The following TULP1 variants were observed in gnomAD, a reference collection of about 807,000 sequenced individuals.
TULP1 encodes TUB like protein 1.
In TULP1, 50 loss-of-function variants were observed where a neutral mutation model predicts 67.1. The ratio of observed to expected loss-of-function variants is 0.75; its 90% confidence interval spans 0.59 to 0.94. TULP1 has a LOEUF of 0.94. Among genes scored for constraint, TULP1 ranks in the 40% least tolerant of loss-of-function variants. The probability of loss-of-function intolerance (pLI) is 0.00; values close to 1 mark genes in which losing one functional copy is unlikely to be tolerated. For synonymous variants in TULP1, 297 were observed against 294.0 expected (o/e 1.01, Z -0.11); for missense variants, 746 against 734.1 (o/e 1.02, Z -0.19).
chr6:35,509,705 G>A lies in TULP1; in HGVS notation c.647C>T (p.Ala216Val), dbSNP rs754221623. ...DKDPSGSPASARKSPAAMFLV... is the reference protein window; with the variant it reads ...DKDPSGSPASVRKSPAAMFLV... ...AAACATGGCTGCTGGGCTCTTCCTC[G>A]CACTGGCTGGGCTCCCTGAGGGGTC... The change falls in exon 7 of 15, where the codon GCG (alanine) becomes GTG (valine). Residue 216 changes from alanine (A) to valine (V), a missense_variant. Coordinates refer to ENST00000229771, the MANE Select transcript of TULP1 (RefSeq NM_003322.6). 182 of 1,613,856 alleles carry A rather than the reference G, an allele frequency of 1.1e-4. No homozygotes were observed. The highest frequency in any genetic ancestry group is 1.4e-4 in the Non-Finnish European group (168 of 1,180,004).
At chr6:35,509,380 A>C in intron 7 of TULP1, 68 bp from the exon 8 acceptor site, 1 of 1,424,182 alleles carries the variant, frequency 7.0e-7, no homozygotes, top group Non-Finnish European at 9.9e-7. Flanking sequence ...TCCAACACCC[A>C]TGTCTCACTT....
chr6:35,512,548 G>C, intron 2 of TULP1, 91 bp downstream of exon 2: 1 of 1,550,874 alleles, frequency 6.4e-7, no homozygotes, highest in Non-Finnish European at 8.9e-7. Flanking sequence ...CTGCTAAGGG[G>C]GACCTGTCCC....
At position 35,503,952 on chromosome 6, in the gene TULP1, G is replaced by T. The variant is rs1246602718; in HGVS notation, c.1113-104C>A. ...AGTTTAGAGAGCTTCCTACAAGGGT[G>T]GGGGTGAGTTAGGACTGAGCAATTC... On this transcript the variant is annotated intron_variant, in intron 11 of 14. Transcript: ENST00000229771. The surrounding 1 kb of genome is among the most constrained non-coding windows in gnomAD (Gnocchi z 4.0). The T allele has an allele frequency of 1.7e-5, 15 of 862,574 alleles. No individual in the cohort carries two copies. The highest frequency in any genetic ancestry group is 2.6e-5 in the Non-Finnish European group (14 of 539,864). The allele number at this position is 862,574 out of a possible 1,614,324, so 53.4% of individuals were successfully genotyped here.
intron 8 of TULP1, among the ~76,000 whole-genome samples, chr6:35,508,271 C>T (rs1261368150): frequency 1.3e-5 from 2 of 152,238 alleles, no homozygotes; most frequent in East Asian, 1.9e-4. Flanking sequence ...ATGTTTGGAA[C>T]ACGATGTGGA....
chr6:35,499,033 G>T (rs534782648), intron 14 of TULP1, among the ~76,000 whole-genome samples: 30 of 152,206 alleles, frequency 2.0e-4, no homozygotes, highest in African/African-American at 7.2e-4. Flanking sequence ...CTGGAGAGCA[G>T]TCCCACAGCC....
At chr6:35,509,573 T>G in intron 7 of TULP1, 61 bp downstream of exon 7, 1 of 1,544,720 alleles carries the variant, frequency 6.5e-7, no homozygotes, top group Non-Finnish European at 8.9e-7. Context: ...AAGGACCCTC[T>G]AGCTCCCCGC....
rs370691307 is a variant in TULP1, at chr6:35,500,111, C to T, written c.1365G>A (p.Leu455=). ...GLLVRWQNKT[L]ESLIELHNKP... is the part of the protein sequence containing the mutation. ...TGTTGTGCAGTTCTATGAGGCTCTC[C>T]AGCGTCTTGTTCTGCCAGCGCACCA... Residue 455 remains leucine (L), a synonymous_variant, in exon 14 of 15, where the codon CTG becomes CTA. Coordinates refer to ENST00000229771, the MANE Select transcript of TULP1 (RefSeq NM_003322.6). 4.3e-6 allele frequency: 7 copies of T among 1,614,030 alleles called. No homozygotes were observed. The highest frequency in any genetic ancestry group is 5.1e-6 in the Non-Finnish European group (6 of 1,180,046).
chr6:35,508,767 G>C (rs1761129934), intron 8 of TULP1, among the ~76,000 whole-genome samples: 2 of 152,164 alleles, frequency 1.3e-5, no homozygotes. Flanking sequence ...CTGGGAGGTT[G>C]GGAGGTCCTG....
chr6:35,505,662 A>T, intron 11 of TULP1, 79 bp downstream of exon 11: 1 of 1,582,464 alleles, frequency 6.3e-7, no homozygotes, highest in South Asian at 1.1e-5. Context: ...GTGCTCTACC[A>T]GGCACAGCAG....
chr6:35,505,828 C>G lies in TULP1; in HGVS notation c.1025G>C (p.Arg342Pro). ...GTAATTGGCTGTCTTGCTCCGTTTTCGTTTCCTGCCAGCCAAGAGGAACAC... is the reference window on the plus strand; with the variant it reads ...GTAATTGGCTGTCTTGCTCCGTTTTGGTTTCCTGCCAGCCAAGAGGAACAC... Reference protein sequence around the residue: ...KKVFLLAGRKRKRSKTANYLI... With the variant: ...KKVFLLAGRKPKRSKTANYLI... The change falls in exon 11 of 15, where the codon CGA becomes CCA. Residue 342 changes from arginine to proline, a missense_variant. Physicochemically the swap from Arg to Pro is moderately radical, Grantham distance 103. Around this residue, in one of 3 missense-constraint regions of TULP1, gnomAD observed 383 missense variants for 374.1 expected, o/e 1.02. Coordinates refer to ENST00000229771, the MANE Select transcript of TULP1 (RefSeq NM_003322.6). 6.2e-7 allele frequency: 1 copy of G among 1,614,152 alleles called. No homozygotes were observed. Among genetic ancestry groups the G allele is most frequent in the Non-Finnish European group, 8.5e-7 (1 of 1,180,038 alleles).
chr6:35,506,224 C>A (rs944026625), intron 9 of TULP1, 50 bp downstream of exon 9: 1 of 1,608,580 alleles, frequency 6.2e-7, no homozygotes, highest in African/African-American at 1.3e-5. Flanking sequence ...CTCCCCCGCT[C>A]CCAGCAGGTC....
At chr6:35,499,332 A>AAT (rs1561811951) in intron 14 of TULP1, among the ~76,000 whole-genome samples, 1 of 152,230 alleles carries the variant, frequency 6.6e-6, no homozygotes, top group Non-Finnish European at 1.5e-5. Context: ...GAAGAGATTA[A>AAT]GAGCATGGCC....
At chr6:35,509,780 C>T in intron 6 of TULP1, 30 bp from the exon 7 acceptor site, 1 of 1,613,982 alleles carries the variant, frequency 6.2e-7, no homozygotes, top group South Asian at 1.1e-5. Context: ...AGCGTCACAA[C>T]CCCCACCGCA....
chr6:35,512,505 C>T, intron 2 of TULP1, 134 bp downstream of exon 2: 1 of 1,231,730 alleles, frequency 8.1e-7, no homozygotes, highest in South Asian at 1.3e-5. Flanking sequence ...GCCCTTTCTC[C>T]CCCCAGATCT....
intron 11 of TULP1, 62 bp downstream of exon 11, chr6:35,505,679 G>A: frequency 6.3e-7 from 1 of 1,598,974 alleles, no homozygotes. Flanking sequence ...GCAGGACAGA[G>A]ATGACGGGCT....
intron 14 of TULP1, among the ~76,000 whole-genome samples, chr6:35,499,611 G>A (rs981626063): frequency 6.6e-6 from 1 of 152,234 alleles, no homozygotes; most frequent in African/African-American, 2.4e-5. Flanking sequence ...GCAAAGGGCT[G>A]CCCTCTCTGA....
At chr6:35,499,548 G>C (rs1768782698) in intron 14 of TULP1, among the ~76,000 whole-genome samples, 1 of 152,226 alleles carries the variant, frequency 6.6e-6, no homozygotes, top group Non-Finnish European at 1.5e-5. Flanking sequence ...TAAGTTTTGT[G>C]AAATAAATTT....
In TULP1 at chr6:35,498,302, T is replaced by C. The variant is rs765914874; in HGVS notation, c.*25A>G. ...TCCTTTCCCCCACGCTGACGGGCTCTGGGGGCGCTGAGGGGCTGCTGGGGT... is the reference window on the plus strand; with the variant it reads ...TCCTTTCCCCCACGCTGACGGGCTCCGGGGGCGCTGAGGGGCTGCTGGGGT... On this transcript the variant is annotated 3_prime_UTR_variant, in exon 15 of 15. Coordinates refer to ENST00000229771, the MANE Select transcript of TULP1 (RefSeq NM_003322.6). The surrounding 1 kb of genome is among the most constrained non-coding windows in gnomAD (Gnocchi z 6.7). The C allele has an allele frequency of 6.2e-7, 1 of 1,610,868 alleles. No individual in the cohort carries two copies. The highest frequency in any genetic ancestry group is 1.7e-5 in the Admixed American group (1 of 59,842).
At chr6:35,500,280 G>C in intron 13 of TULP1, 128 bp from the exon 14 acceptor site, 1 of 1,002,274 alleles carries the variant, frequency 1.0e-6, no homozygotes, top group Non-Finnish European at 1.6e-6. Context: ...TCATCCATTA[G>C]GGTATCTGAG....
Sources: allele counts gnomAD v4.1 joint callset (sites outside exome capture counted in the v4.1 genomes callset), GRCh38; gene constraint gnomAD v4.1.1; regional missense constraint gnomAD v4.1.1; non-coding constraint Gnocchi (gnomAD v3.1); transcripts MANE v1.5; gene names NCBI Gene and HGNC (gene_info 2026-07-23, HGNC 2026-07-21).